The following ERI3 variants were observed in gnomAD, a reference collection of about 807,000 sequenced individuals.
ERI3 encodes ERI1 exoribonuclease family member 3.
Under a neutral mutation model 44.4 loss-of-function variants are expected in ERI3, and 18 were observed. The ratio of observed to expected loss-of-function variants is 0.41; its 90% CI spans 0.28 to 0.60. The LOEUF is 0.60. Among genes scored for constraint, ERI3 ranks in the 20% least tolerant of loss-of-function variants. ERI3 has a pLI of 0.36. For missense variants in ERI3, 294 were observed against 435.5 expected (o/e 0.68, Z 2.89); for synonymous variants, 183 against 164.8 (o/e 1.11, Z -0.84).
At chr1:44,284,929 G>C (rs1294606288) in intron 6 of ERI3, 22 bp from the exon 7 acceptor site, 3 of 1,609,126 alleles carry the variant, frequency 1.9e-6, no homozygotes, top group Non-Finnish European at 2.6e-6. Flanking sequence ...AGGGAAGAGA[G>C]AACAAGTTGG....
At chr1:44,247,830 T>A in intron 8 of ERI3, 109 bp downstream of exon 8, 1 of 760,578 alleles carries the variant, frequency 1.3e-6, no homozygotes, top group Middle Eastern at 2.7e-4. Flanking sequence ...TAGAGAGCCC[T>A]GTTGGGGCAC....
intron 8 of ERI3, among the ~76,000 whole-genome samples, chr1:44,232,973 C>T (rs997612162): frequency 1.3e-5 from 2 of 152,186 alleles, no homozygotes; most frequent in African/African-American, 4.8e-5. Context: ...TCCATCATTT[C>T]AGTCTTTTTC....
intron 8 of ERI3, among the ~76,000 whole-genome samples, chr1:44,230,040 C>T (rs1341953487): frequency 1.3e-5 from 2 of 152,174 alleles, no homozygotes; most frequent in African/African-American, 4.8e-5. Flanking sequence ...TATCTTATTA[C>T]ACGCCTTGTT....
chr1:44,258,226 T>C (rs1221778324), intron 7 of ERI3, among the ~76,000 whole-genome samples: 1 of 152,194 alleles, frequency 6.6e-6, no homozygotes, highest in Non-Finnish European at 1.5e-5. Context: ...AATCATGTCC[T>C]TTTTCCTAAT....
chr1:44,240,764 T>C lies in ERI3; in HGVS notation c.931+7175A>G, dbSNP rs1021071465. ...CTCTCTGCAGGCCACAGGCCCCACT[T>C]TGCCCAGTGGGGCCTAGGCCTGGTC... On this transcript the variant is annotated intron_variant, in intron 8 of 8. Coordinates refer to ENST00000372257, the MANE Select transcript of ERI3 (RefSeq NM_024066.3). Among the ~76,000 whole-genome samples, 3 of 152,320 alleles carry C rather than the reference T, an allele frequency of 2.0e-5. No homozygotes were observed. The East Asian group carries it at 5.8e-4, about 29-fold the overall frequency.
chr1:44,298,329 A>C (rs537707169), intron 6 of ERI3, among the ~76,000 whole-genome samples: 1 of 152,324 alleles, frequency 6.6e-6, no homozygotes, highest in African/African-American at 2.4e-5. Context: ...GTTCCAGAAT[A>C]GACAGGGAAG....
chr1:44,335,280 C>T (rs1480276539), intron 3 of ERI3, among the ~76,000 whole-genome samples: 1 of 151,528 alleles, frequency 6.6e-6, no homozygotes, highest in Non-Finnish European at 1.5e-5. Context: ...GAGGTTGAGG[C>T]TGAAGGTTGA....
rs1430996733 is a variant in ERI3 at position 44,228,507 on chromosome 1, C to T, written c.932-6867G>A. On this transcript the variant is annotated intron_variant, in intron 8 of 8. Transcript: ENST00000372257. The surrounding 1 kb of genome is among the most constrained non-coding windows in gnomAD (Gnocchi z 4.3). ...TATCACTTCAGAGAAGTATGCGGAC[C>T]GAAGATGTTTTTAAAAAAATCCTCA... Among the ~76,000 whole-genome samples the T allele has an allele frequency of 4.6e-5, 7 of 152,054 alleles. No individual in the cohort carries two copies. The highest frequency in any genetic ancestry group is 2.6e-4 in the Admixed American group (4 of 15,270).
At position 44,251,337 on chromosome 1, in the gene ERI3, G is replaced by A. The variant is rs150358696; in HGVS notation, c.832-3299C>T. 2.8e-3 allele frequency among the ~76,000 whole-genome samples: 420 copies of A among 152,346 alleles called. 2 individuals carry two copies. The highest frequency in any genetic ancestry group is 9.5e-3 in the African/African-American group (397 of 41,578). On this transcript the variant is annotated intron_variant, in intron 7 of 8. Transcript: ENST00000372257. ...GCATCGGACTTGCCCTCAGGTGACT[G>A]CCACACTTCCATTACTTGCTCCCTC... is the stretch of plus-strand genomic sequence containing the variant.
intron 7 of ERI3, among the ~76,000 whole-genome samples, chr1:44,277,704 TTTC>T (rs1645206801): frequency 6.6e-6 from 1 of 152,236 alleles, no homozygotes; most frequent in South Asian, 2.1e-4. Flanking sequence ...TCTTACAGTC[TTTC>T]TTCTTCTATC....
chr1:44,315,056 T>C (rs1401142116), intron 4 of ERI3, among the ~76,000 whole-genome samples: 1 of 152,246 alleles, frequency 6.6e-6, no homozygotes, highest in Non-Finnish European at 1.5e-5. Flanking sequence ...TTCTCTCCTG[T>C]TAAGCCTAGG....
At chr1:44,327,066 A>G (rs968995376) in intron 3 of ERI3, among the ~76,000 whole-genome samples, 5 of 152,246 alleles carry the variant, frequency 3.3e-5, no homozygotes, top group Non-Finnish European at 1.5e-5. Context: ...AAATAACTTC[A>G]GATATTAGTG....
chr1:44,277,479 T>C (rs575842872), intron 7 of ERI3, among the ~76,000 whole-genome samples: 3 of 152,326 alleles, frequency 2.0e-5, no homozygotes, highest in South Asian at 2.1e-4. Flanking sequence ...TCTGAAAAAG[T>C]TGAAGTTTCT....
At chr1:44,298,591 G>C (rs898016664) in intron 6 of ERI3, among the ~76,000 whole-genome samples, 4 of 152,102 alleles carry the variant, frequency 2.6e-5, no homozygotes, top group Admixed American at 6.5e-5. Flanking sequence ...CAATGCACAG[G>C]AATCTCCTAT....
chr1:44,260,057 G>A (rs1162895404), intron 7 of ERI3, among the ~76,000 whole-genome samples: 1 of 152,186 alleles, frequency 6.6e-6, no homozygotes, highest in Non-Finnish European at 1.5e-5. Flanking sequence ...CCATCTAGAA[G>A]GAGAGGAAGA....
chr1:44,308,522 T>C (rs1572240585), intron 5 of ERI3, 121 bp from the exon 6 acceptor site: 2 of 809,824 alleles, frequency 2.5e-6, no homozygotes. Context: ...TGTAATCTTA[T>C]CCAGCCATGG....
chr1:44,291,540 C>A (rs904441291), intron 6 of ERI3, among the ~76,000 whole-genome samples: 3 of 152,134 alleles, frequency 2.0e-5, no homozygotes, highest in African/African-American at 7.2e-5. Flanking sequence ...TGGCCATAAA[C>A]CCCTGCAGAA....
At chr1:44,287,410 G>T (rs1206726657) in intron 6 of ERI3, among the ~76,000 whole-genome samples, 3 of 152,236 alleles carry the variant, frequency 2.0e-5, no homozygotes, top group Non-Finnish European at 4.4e-5. Context: ...ATATTTGACA[G>T]ATAGTAACAG....
rs1408121280 is a variant in ERI3 at position 44,241,098 on chromosome 1, C to T, written c.931+6841G>A. Among the ~76,000 whole-genome samples, 2 of 152,084 alleles carry T rather than the reference C, an allele frequency of 1.3e-5. No homozygotes were observed. Among genetic ancestry groups the T allele is most frequent in the Non-Finnish European group, 2.9e-5 (2 of 67,988 alleles). Reference sequence around the variant, plus strand: ...CCACTGGAGTGAAGGCTGTCTGTGCCACTCTAGGGATTGATTCTCAGGGTA... The same window carrying T: ...CCACTGGAGTGAAGGCTGTCTGTGCTACTCTAGGGATTGATTCTCAGGGTA... On this transcript the variant is annotated intron_variant, in intron 8 of 8. Transcript: ENST00000372257. The surrounding 1 kb of genome is among the most constrained non-coding windows in gnomAD (Gnocchi z 5.6).
Sources: gnomAD v4.1 joint callset for allele counts (sites outside exome capture counted in the v4.1 genomes callset) on GRCh38, gnomAD v4.1.1 for gene constraint, Gnocchi (gnomAD v3.1) non-coding constraint, MANE v1.5 for transcripts, NCBI Gene and HGNC (gene_info 2026-07-23, HGNC 2026-07-21) for gene names.